The following UIMC1 variants were observed in gnomAD, a reference collection of about 807,000 sequenced individuals.
The protein encoded by UIMC1 is ubiquitin interaction motif containing 1, also known as BRCA1-A complex subunit RAP80.
In UIMC1, 42 loss-of-function variants were observed where a neutral mutation model predicts 84.9. The ratio of observed to expected loss-of-function variants is 0.49; its 90% CI spans 0.39 to 0.64. UIMC1 has a LOEUF of 0.64. UIMC1 is among the 30% of genes least tolerant of loss of function. UIMC1 has a pLI of 0.00. For missense variants in UIMC1, 825 were observed against 847.6 expected (o/e 0.97, Z 0.33); for synonymous variants, 281 against 293.0 (o/e 0.96, Z 0.42).
chr5:176,986,056 A>C (rs1222545749), intron 1 of UIMC1, among the ~76,000 whole-genome samples: 2 of 150,906 alleles, frequency 1.3e-5, no homozygotes, highest in African/African-American at 2.4e-5. Context: ...ATTTGAGACC[A>C]TCCTATGCAA....
chr5:177,012,569 T>C (rs1775572710), intron 1 of UIMC1, among the ~76,000 whole-genome samples: 3 of 151,990 alleles, frequency 2.0e-5, no homozygotes, highest in South Asian at 4.1e-4. Flanking sequence ...GGCAGGCACC[T>C]GTAATCCCAA....
At chr5:176,907,009 G>A (rs1581321534) in intron 13 of UIMC1, 105 bp downstream of exon 13, 7 of 1,178,200 alleles carry the variant, frequency 5.9e-6, no homozygotes, top group Admixed American at 4.2e-5. Flanking sequence ...ACTGGATCAC[G>A]TGTGTACCCA....
chr5:176,969,096 C>T lies in UIMC1; in HGVS notation c.659G>A (p.Cys220Tyr), dbSNP rs772217426. The T allele has an allele frequency of 6.8e-6, 11 of 1,614,196 alleles. No individual in the cohort carries two copies. Among genetic ancestry groups the T allele is most frequent in the Admixed American group, 1.7e-5 (1 of 60,018 alleles). ...ENVNVKSFDR[C>Y]TGHSAEHTQC... Reference sequence around the variant, plus strand: ...TGTGTGCTCAGCCGAGTGGCCAGTACATCTGTCAAAAGATTTAACGTTCAC... The same window carrying T: ...TGTGTGCTCAGCCGAGTGGCCAGTATATCTGTCAAAAGATTTAACGTTCAC... The change falls in exon 6 of 15, where the codon TGT (cysteine) becomes TAT (tyrosine). Residue 220 changes from cysteine (C) to tyrosine (Y), a missense_variant. Physicochemically the swap from Cys to Tyr is radical, Grantham distance 194. Coordinates refer to ENST00000511320, the MANE Select transcript of UIMC1 (RefSeq NM_001199298.2).
chr5:176,940,963 GACTCAAGCTCAA>G (rs1294269001), intron 10 of UIMC1, among the ~76,000 whole-genome samples: 6 of 152,164 alleles, frequency 3.9e-5, no homozygotes, highest in Non-Finnish European at 5.9e-5. Context: ...ACAGAGGTGG[GACTCAAGCTCAA>G]ACTGACTGGC....
At chr5:176,929,991 T>C (rs1238894662) in intron 10 of UIMC1, among the ~76,000 whole-genome samples, 3 of 152,230 alleles carry the variant, frequency 2.0e-5, no homozygotes, top group African/African-American at 4.8e-5. Flanking sequence ...ACTTCACTAG[T>C]AAATGTTTAC....
At chr5:176,998,696 G>T (rs1001436436) in intron 1 of UIMC1, among the ~76,000 whole-genome samples, 2 of 151,876 alleles carry the variant, frequency 1.3e-5, no homozygotes, top group Admixed American at 1.3e-4. Context: ...GAACCCGGGC[G>T]GTGGAGGTTG....
In UIMC1 at chr5:176,969,105, A is replaced by G. The variant is rs1768795661; in HGVS notation, c.650T>C (p.Phe217Ser). ...PVFENVNVKS[F>S]DRCTGHSAEH... Reference sequence around the variant, plus strand: ...AGCCGAGTGGCCAGTACATCTGTCAAAAGATTTAACGTTCACATTCTCAAA... The same window carrying G: ...AGCCGAGTGGCCAGTACATCTGTCAGAAGATTTAACGTTCACATTCTCAAA... The change falls in exon 6 of 15, where the codon TTT (phenylalanine) becomes TCT (serine). Residue 217 changes from phenylalanine (F) to serine (S), a missense_variant. Coordinates refer to ENST00000511320, the MANE Select transcript of UIMC1 (RefSeq NM_001199298.2). The G allele has an allele frequency of 1.2e-6, 2 of 1,614,184 alleles. No homozygotes were observed. Among genetic ancestry groups the G allele is most frequent in the African/African-American group, 1.3e-5 (1 of 75,052 alleles).
chr5:176,961,938 A>T (rs1581550610), intron 6 of UIMC1, among the ~76,000 whole-genome samples: 1 of 48,584 alleles, frequency 2.1e-5, no homozygotes, highest in Non-Finnish European at 4.0e-5. Context: ...TCCGGGAGGG[A>T]GGTGGGGGTG....
At chr5:176,912,815 C>T (rs377765749) in intron 10 of UIMC1, among the ~76,000 whole-genome samples, 3 of 151,994 alleles carry the variant, frequency 2.0e-5, no homozygotes, top group Admixed American at 2.0e-4. Context: ...TACAGGCGCC[C>T]GCCACGACGC....
At chr5:176,946,269 C>A (rs527371255) in intron 9 of UIMC1, among the ~76,000 whole-genome samples, 1 of 152,082 alleles carries the variant, frequency 6.6e-6, no homozygotes, top group Non-Finnish European at 1.5e-5. Flanking sequence ...CTGGCCAGAT[C>A]CCACAATAAA....
intron 8 of UIMC1, among the ~76,000 whole-genome samples, chr5:176,951,971 T>C (rs1765937882): frequency 1.3e-5 from 2 of 152,240 alleles, no homozygotes; most frequent in Admixed American, 1.3e-4. Context: ...TATGTTCCTA[T>C]AATTTTGTCT....
chr5:176,912,474 G>GTTTTTTTT (rs57570046), intron 10 of UIMC1, among the ~76,000 whole-genome samples: 1 of 130,146 alleles, frequency 7.7e-6, no homozygotes, highest in African/African-American at 3.0e-5. Flanking sequence ...ACTGTTTTTT[G>GTTTTTTTT]TTTTTTTTTT....
intron 2 of UIMC1, among the ~76,000 whole-genome samples, chr5:176,975,791 T>G (rs190267801): frequency 6.6e-6 from 1 of 152,150 alleles, no homozygotes; most frequent in African/African-American, 2.4e-5. Context: ...TGATTGAAGA[T>G]ATGAAAAAAC....
At chr5:176,953,530 A>ACACACACACACACACACACACACACC (rs1486168664) in intron 8 of UIMC1, among the ~76,000 whole-genome samples, 7 of 151,202 alleles carry the variant, frequency 4.6e-5, no homozygotes, top group South Asian at 2.1e-4. Flanking sequence ...ACACACACAC[A>ACACACACACACACACACACACACACC]CCTTATTGGA....
chr5:176,974,343 T>C (rs919935271), intron 3 of UIMC1, among the ~76,000 whole-genome samples: 8 of 152,020 alleles, frequency 5.3e-5, no homozygotes, highest in Non-Finnish European at 1.2e-4. Context: ...GATATCCATA[T>C]GGGAAAAAAA....
In UIMC1 at chr5:176,969,642, T is replaced by C. The variant is rs1561848838; in HGVS notation, c.422A>G (p.Gln141Arg). The change falls in exon 5 of 15, where the codon CAG becomes CGG. Residue 141 changes from glutamine to arginine, a missense_variant. Transcript: ENST00000511320. ...GTCTGTGGTTTTCTCTTGATGGGAC[T>C]GGGAAGACGGTCCAGTGGCCAGAGG... is the stretch of plus-strand genomic sequence containing the variant. ...SRPLATGPSS[Q>R]SHQEKTTDSG... 1 of 1,614,100 alleles carries C rather than the reference T, an allele frequency of 6.2e-7. No individual in the cohort carries two copies.
intron 1 of UIMC1, chr5:177,006,174 C>A (rs1224058258): frequency 1.3e-5 from 2 of 152,220 alleles, no homozygotes; most frequent in Non-Finnish European, 2.9e-5. Flanking sequence ...CAGGCCGCCC[C>A]CCAGGTGTGA....
intron 1 of UIMC1, among the ~76,000 whole-genome samples, chr5:177,014,894 C>T (rs1229957187): frequency 2.0e-5 from 3 of 152,036 alleles, no homozygotes; most frequent in Non-Finnish European, 4.4e-5. Flanking sequence ...GACATTTTAA[C>T]TTTATCCGGT....
chr5:176,916,656 A>G (rs919898277), intron 10 of UIMC1, among the ~76,000 whole-genome samples: 11 of 152,244 alleles, frequency 7.2e-5, no homozygotes, highest in African/African-American at 2.7e-4. Flanking sequence ...CTCAGTAAAC[A>G]TTAGTTTTAT....
Sources: allele counts gnomAD v4.1 joint callset (sites outside exome capture counted in the v4.1 genomes callset), GRCh38; gene constraint gnomAD v4.1.1; transcripts MANE v1.5; gene names NCBI Gene and HGNC (gene_info 2026-07-23, HGNC 2026-07-21).